Variants in BRAF observed in about 807,000 individuals in gnomAD.
The protein encoded by BRAF is serine/threonine-protein kinase B-raf.
A neutral mutation model predicts 104.6 loss-of-function variants in BRAF; 16 were observed. The ratio of observed to expected loss-of-function variants is 0.15; its 90% CI spans 0.10 to 0.23. The LOEUF (loss-of-function observed/expected upper bound fraction) is 0.23. Ranked by LOEUF, BRAF falls within the 10% of genes least tolerant of loss-of-function variation. The pLI, the probability that BRAF is intolerant of heterozygous loss-of-function variation, is 1.00. For synonymous variants in BRAF, 310 were observed against 341.6 expected (o/e 0.91, Z 1.02); for missense variants, 541 against 937.3 (o/e 0.58, Z 5.52).
At position 140,781,571 on chromosome 7, in the gene BRAF, C is replaced by T. The variant is rs746333649; in HGVS notation, c.1552+5G>A. ...TGTCACAATGTCACCACATTACATA[C>T]TTACCATGCCACTTTCCCTTGTAGA... On this transcript the variant is annotated splice_donor_5th_base_variant and intron_variant, in intron 12 of 19. Coordinates refer to ENST00000644969, the MANE Select transcript of BRAF (RefSeq NM_001374258.1). The T allele has an allele frequency of 3.7e-6, 6 of 1,611,544 alleles. No individual in the cohort carries two copies. In the South Asian group the frequency reaches 5.5e-5, roughly 15 times the overall value.
chr7:140,835,733 AG>A (rs1562986101), intron 2 of BRAF: 2 of 152,194 alleles, frequency 1.3e-5, no homozygotes, highest in African/African-American at 2.4e-5. Context: ...TTAAAAGAAC[AG>A]AATGACATTG....
intron 3 of BRAF, among the ~76,000 whole-genome samples, chr7:140,818,528 G>C (rs1430551495): frequency 1.3e-5 from 2 of 152,038 alleles, no homozygotes; most frequent in Non-Finnish European, 2.9e-5. Flanking sequence ...GGCCAGGCTG[G>C]TCTCGAACTC....
intron 14 of BRAF, among the ~76,000 whole-genome samples, chr7:140,755,149 T>C (rs899193136): frequency 2.0e-5 from 3 of 152,170 alleles, no homozygotes; most frequent in African/African-American, 7.2e-5. Context: ...TGTGTCTTGT[T>C]TATTTCTTTG....
intron 5 of BRAF, among the ~76,000 whole-genome samples, chr7:140,802,303 T>A (rs1340142679): frequency 1.7e-4 from 25 of 145,504 alleles, no homozygotes; most frequent in Non-Finnish European, 1.5e-5. Context: ...TTTTTTTTTT[T>A]TTTTTTTTTT....
intron 8 of BRAF, among the ~76,000 whole-genome samples, chr7:140,789,417 G>A (rs1801723104): frequency 6.6e-6 from 1 of 151,972 alleles, no homozygotes; most frequent in Non-Finnish European, 1.5e-5. Context: ...TTTGTTTACA[G>A]GCTAAAACAA....
intron 1 of BRAF, among the ~76,000 whole-genome samples, chr7:140,864,863 T>C (rs1311083150): frequency 6.6e-6 from 1 of 152,152 alleles, no homozygotes; most frequent in Non-Finnish European, 1.5e-5. Flanking sequence ...GCAGGAAAGA[T>C]GAAATCTGAG....
intron 8 of BRAF, among the ~76,000 whole-genome samples, chr7:140,789,221 A>C (rs1362581233): frequency 1.3e-5 from 2 of 150,836 alleles, no homozygotes; most frequent in Non-Finnish European, 3.0e-5. Context: ...AAAAAAAACA[A>C]AAAAAAAACT....
chr7:140,782,494 T>C (rs1250625727), intron 11 of BRAF, among the ~76,000 whole-genome samples: 1 of 151,606 alleles, frequency 6.6e-6, no homozygotes, highest in African/African-American at 2.4e-5. Context: ...CATATAAAAT[T>C]ACTTTGGTAG....
chr7:140,888,282 T>C (rs113473917), intron 1 of BRAF, among the ~76,000 whole-genome samples: 41 of 152,324 alleles, frequency 2.7e-4, no homozygotes, highest in African/African-American at 8.9e-4. Context: ...TGCAGAACAC[T>C]TGACAGTGGC....
chr7:140,799,931 G>A (rs1802908472), intron 7 of BRAF: 1 of 339,202 alleles, frequency 2.9e-6, no homozygotes, highest in South Asian at 4.3e-5. Flanking sequence ...TTCAGGACTG[G>A]TTCTGAAATA....
At chr7:140,747,856 G>C (rs1467800558) in intron 17 of BRAF, among the ~76,000 whole-genome samples, 1 of 152,124 alleles carries the variant, frequency 6.6e-6, no homozygotes, top group Admixed American at 6.6e-5. Context: ...TAAGTACAAT[G>C]TTTCAATTAT....
At chr7:140,890,237 TA>T (rs1814069063) in intron 1 of BRAF, among the ~76,000 whole-genome samples, 1 of 152,198 alleles carries the variant, frequency 6.6e-6, no homozygotes, top group African/African-American at 2.4e-5. Context: ...ATAAATGAAT[TA>T]AATATCCAGT....
intron 3 of BRAF, among the ~76,000 whole-genome samples, chr7:140,816,986 G>C (rs1586271779): frequency 6.6e-6 from 1 of 151,306 alleles, no homozygotes; most frequent in Non-Finnish European, 1.5e-5. Context: ...AAAAAAAAAA[G>C]GGTATCCAAA....
intron 1 of BRAF, among the ~76,000 whole-genome samples, chr7:140,883,783 C>T (rs10238472): frequency 0.028 from 4,301 of 152,268 alleles, 210 homozygotes; most frequent in African/African-American, 0.096. Context: ...AAAAGAATTA[C>T]CATTTTATGG....
At chr7:140,759,083 T>C (rs1265845519) in intron 14 of BRAF, among the ~76,000 whole-genome samples, 1 of 152,238 alleles carries the variant, frequency 6.6e-6, no homozygotes, top group Non-Finnish European at 1.5e-5. Context: ...CATGCAGTGT[T>C]ACGGGGTATG....
At chr7:140,869,370 T>C (rs1435872500) in intron 1 of BRAF, among the ~76,000 whole-genome samples, 1 of 152,210 alleles carries the variant, frequency 6.6e-6, no homozygotes, top group East Asian at 1.9e-4. Flanking sequence ...CAGTGACTCA[T>C]GTCTGCAATC....
At chr7:140,736,072 CTT>C (rs200796950) in intron 18 of BRAF, among the ~76,000 whole-genome samples, 22 of 139,720 alleles carry the variant, frequency 1.6e-4, no homozygotes, top group African/African-American at 1.6e-4. Context: ...TCTTCTGTAC[CTT>C]TTTTTTTTTT....
chr7:140,818,005 C>T (rs1053610841), intron 3 of BRAF, among the ~76,000 whole-genome samples: 2 of 151,622 alleles, frequency 1.3e-5, no homozygotes, highest in African/African-American at 2.4e-5. Context: ...CCATTACATA[C>T]ATATAGTATC....
At chr7:140,906,841 G>A (rs1244105279) in intron 1 of BRAF, among the ~76,000 whole-genome samples, 2 of 152,090 alleles carry the variant, frequency 1.3e-5, no homozygotes, top group Non-Finnish European at 2.9e-5. Flanking sequence ...CTACTTTCAA[G>A]ACTTTTCTCC....
Sources: allele counts gnomAD v4.1 joint callset (sites outside exome capture counted in the v4.1 genomes callset), GRCh38; gene constraint gnomAD v4.1.1; transcripts MANE v1.5; gene names NCBI Gene and HGNC (gene_info 2026-07-23, HGNC 2026-07-21).